Variants in PLCL2 observed in about 807,000 individuals in gnomAD.
PLCL2 encodes inactive phospholipase C-like protein 2.
PLCL2 carries 4 observed loss-of-function variants against 79.6 expected under a neutral mutation model. The ratio of observed to expected loss-of-function variants is 0.05; its 90% CI spans 0.02 to 0.11. The LOEUF is 0.11. Among genes scored for constraint, PLCL2 ranks in the 10% least tolerant of loss-of-function variants. PLCL2 has a pLI of 1.00. For missense variants in PLCL2, 895 were observed against 1,291.0 expected (o/e 0.69, Z 4.70); for synonymous variants, 484 against 457.7 (o/e 1.06, Z -0.73).
At chr3:16,967,761 G>A (rs2063821501) in intron 1 of PLCL2, among the ~76,000 whole-genome samples, 1 of 151,992 alleles carries the variant, frequency 6.6e-6, no homozygotes, top group African/African-American at 2.4e-5. Flanking sequence ...AAGATCTTTA[G>A]TTTAATTAAG....
intron 5 of PLCL2, among the ~76,000 whole-genome samples, chr3:17,087,249 G>A (rs1186662988): frequency 6.6e-6 from 1 of 152,222 alleles, no homozygotes; most frequent in Non-Finnish European, 1.5e-5. Context: ...AAATTTGGAA[G>A]CAACATAGAT....
At chr3:16,906,582 G>C (rs1192490512) in intron 1 of PLCL2, among the ~76,000 whole-genome samples, 1 of 152,016 alleles carries the variant, frequency 6.6e-6, no homozygotes, top group Non-Finnish European at 1.5e-5. Context: ...TACAGAGTTT[G>C]AAAAGATTTA....
chr3:17,005,973 T>C (rs2064256345), intron 1 of PLCL2, among the ~76,000 whole-genome samples: 1 of 152,220 alleles, frequency 6.6e-6, no homozygotes, highest in Non-Finnish European at 1.5e-5. Flanking sequence ...TTTATACTAT[T>C]TTTTAAAAGT....
intron 1 of PLCL2, among the ~76,000 whole-genome samples, chr3:16,929,341 A>G (rs1445444863): frequency 6.6e-6 from 1 of 152,134 alleles, no homozygotes; most frequent in Non-Finnish European, 1.5e-5. Context: ...TTCTCTCCAT[A>G]ATGACAACAT....
chr3:17,012,507 T>A (rs1157114244), intron 2 of PLCL2, among the ~76,000 whole-genome samples: 1 of 152,138 alleles, frequency 6.6e-6, no homozygotes, highest in Non-Finnish European at 1.5e-5. Flanking sequence ...GAACACAAAT[T>A]GATGATCTAT....
intron 4 of PLCL2, among the ~76,000 whole-genome samples, chr3:17,067,235 G>A (rs2065018968): frequency 1.3e-5 from 2 of 152,096 alleles, no homozygotes; most frequent in Admixed American, 1.3e-4. Flanking sequence ...ATTGGATTCA[G>A]CGGTCTTACT....
intron 1 of PLCL2, among the ~76,000 whole-genome samples, chr3:16,979,609 C>T (rs1478965214): frequency 2.3e-5 from 3 of 132,830 alleles, no homozygotes; most frequent in Non-Finnish European, 3.2e-5. Flanking sequence ...ATCCATTCAA[C>T]CCTGAGTGGA....
chr3:16,952,390 A>AAAAAAAAC (rs2063663106), intron 1 of PLCL2, among the ~76,000 whole-genome samples: 1 of 143,660 alleles, frequency 7.0e-6, no homozygotes, highest in African/African-American at 2.7e-5. Flanking sequence ...AAAAAAAAAA[A>AAAAAAAAC]AGAACCTGTT....
intron 1 of PLCL2, among the ~76,000 whole-genome samples, chr3:16,927,732 C>A (rs1401647394): frequency 6.6e-6 from 1 of 152,152 alleles, no homozygotes; most frequent in Non-Finnish European, 1.5e-5. Context: ...TTCCCCCGCC[C>A]CCACCACACA....
At chr3:17,087,824 A>C (rs1267080721) in intron 5 of PLCL2, among the ~76,000 whole-genome samples, 1 of 152,212 alleles carries the variant, frequency 6.6e-6, no homozygotes, top group Non-Finnish European at 1.5e-5. Context: ...AAAGTTTATT[A>C]ATTTTAAAAA....
In PLCL2 at chr3:17,022,288, T is replaced by C. The variant is rs186949718; in HGVS notation, c.3018+7377T>C. On this transcript the variant is annotated intron_variant, in intron 3 of 5. Transcript: ENST00000615277. The stretch of plus-strand genomic sequence containing the variant: ...AACTAAGATATTCGAAGTACTGTAG[T>C]CTTTTTTCTTCCTATGCAAAAGTAG... Among the ~76,000 whole-genome samples, 14 of 152,304 alleles carry C rather than the reference T, an allele frequency of 9.2e-5. 1 individual carries two copies. Among genetic ancestry groups the C allele is most frequent in the Admixed American group, 5.2e-4 (8 of 15,288 alleles).
intron 4 of PLCL2, among the ~76,000 whole-genome samples, chr3:17,063,401 G>A (rs1258948743): frequency 6.9e-6 from 1 of 145,774 alleles, no homozygotes; most frequent in Non-Finnish European, 1.5e-5. Flanking sequence ...TACTGAACAT[G>A]GACTTCGCAT....
chr3:16,995,137 G>T (rs1441259163), intron 1 of PLCL2, among the ~76,000 whole-genome samples: 4 of 152,284 alleles, frequency 2.6e-5, no homozygotes, highest in African/African-American at 9.6e-5. Context: ...CAAGGACTTA[G>T]TTCTTGGGAA....
chr3:17,004,884 C>T (rs549281358), intron 1 of PLCL2, among the ~76,000 whole-genome samples: 1 of 152,182 alleles, frequency 6.6e-6, no homozygotes, highest in East Asian at 1.9e-4. Flanking sequence ...GATCCCCTAC[C>T]TTTCTTTAAT....
At chr3:17,085,337 A>T (rs1245426916) in intron 5 of PLCL2, among the ~76,000 whole-genome samples, 1 of 152,150 alleles carries the variant, frequency 6.6e-6, no homozygotes, top group Non-Finnish European at 1.5e-5. Flanking sequence ...GGGTTTCGCC[A>T]GGTTGCCCAG....
chr3:16,981,828 G>T (rs1188645289), intron 1 of PLCL2, among the ~76,000 whole-genome samples: 1 of 152,176 alleles, frequency 6.6e-6, no homozygotes, highest in Non-Finnish European at 1.5e-5. Flanking sequence ...CCTGTGTATT[G>T]CCATTTGTGA....
chr3:16,958,591 A>G (rs1198552670), intron 1 of PLCL2, among the ~76,000 whole-genome samples: 1 of 152,252 alleles, frequency 6.6e-6, no homozygotes, highest in Non-Finnish European at 1.5e-5. Flanking sequence ...ATTAGAAAGA[A>G]GAAAAAAACT....
chr3:17,036,932 T>C (rs564737857), intron 3 of PLCL2, among the ~76,000 whole-genome samples: 2 of 152,256 alleles, frequency 1.3e-5, no homozygotes, highest in African/African-American at 4.8e-5. Context: ...TATAAGGACC[T>C]TAATCCCATT....
At chr3:16,901,679 C>CT (rs1438006553) in intron 1 of PLCL2, among the ~76,000 whole-genome samples, 1 of 152,210 alleles carries the variant, frequency 6.6e-6, no homozygotes, top group African/African-American at 2.4e-5. Flanking sequence ...TTTAACTTCT[C>CT]TGTCTGTGCC....
Sources: allele counts gnomAD v4.1 joint callset (sites outside exome capture counted in the v4.1 genomes callset), GRCh38; gene constraint gnomAD v4.1.1; transcripts MANE v1.5; gene names NCBI Gene and HGNC (gene_info 2026-07-23, HGNC 2026-07-21).